Variants in IRAK1BP1 observed in about 807,000 individuals in gnomAD.
IRAK1BP1 encodes the protein interleukin-1 receptor-associated kinase 1-binding protein 1.
IRAK1BP1 carries 24 observed loss-of-function variants against 28.0 expected under a neutral mutation model. The observed-to-expected ratio is 0.86, with a 90% CI of 0.62 to 1.20. IRAK1BP1 has a LOEUF of 1.20. Ranked by LOEUF, IRAK1BP1 falls within the 50% of genes most tolerant of loss-of-function variation. IRAK1BP1 has a pLI of 0.00. For missense variants in IRAK1BP1, 336 were observed against 316.7 expected (o/e 1.06, Z -0.46); for synonymous variants, 131 against 116.3 (o/e 1.13, Z -0.81).
intron 1 of IRAK1BP1, among the ~76,000 whole-genome samples, chr6:78,880,465 T>G (rs893584443): frequency 6.6e-6 from 1 of 152,220 alleles, no homozygotes; most frequent in African/African-American, 2.4e-5. Flanking sequence ...ATAAATTGTA[T>G]TTTATGACAA....
At chr6:78,890,476 T>A (rs919297607) in intron 2 of IRAK1BP1, among the ~76,000 whole-genome samples, 4 of 150,770 alleles carry the variant, frequency 2.7e-5, no homozygotes, top group African/African-American at 4.9e-5. Context: ...ATCAAAAAAA[T>A]TTATCCAAAA....
the IRAK1BP1 span, among the ~76,000 whole-genome samples, chr6:78,961,156 C>T: frequency 6.6e-6 from 1 of 151,884 alleles, no homozygotes; most frequent in Non-Finnish European, 1.5e-5. Context: ...TGAAATTATG[C>T]CTGGGCCATT....
chr6:78,939,176 AT>A lies in IRAK1BP1; in HGVS notation c.*68-6231del, dbSNP rs1329160310. 2.6e-5 allele frequency: 4 copies of A among 151,924 alleles called. No individual in the cohort carries two copies. In the East Asian group the frequency reaches 7.7e-4, roughly 29 times the overall value. 9.4% of individuals were successfully genotyped at this position (151,924 alleles called of 1,614,324 possible). On this transcript the variant is annotated intron_variant and NMD_transcript_variant, in intron 4 of 4. Coordinates refer to the IRAK1BP1 transcript ENST00000606868. ...AACTAACTGTACCATAAACAAATAA[AT>A]AACTGCTTTCCTTTTCCATAGCAGT...
At chr6:78,892,772 A>G (rs1222550255) in intron 2 of IRAK1BP1, among the ~76,000 whole-genome samples, 1 of 152,214 alleles carries the variant, frequency 6.6e-6, no homozygotes, top group African/African-American at 2.4e-5. Context: ...ACTACAGTGT[A>G]TGAGATAATA....
the IRAK1BP1 span, chr6:78,955,304 G>A: frequency 6.4e-7 from 1 of 1,569,680 alleles, no homozygotes; most frequent in South Asian, 1.1e-5. Flanking sequence ...GAATTTACCA[G>A]ATTCATAAAA....
intron 2 of IRAK1BP1, among the ~76,000 whole-genome samples, chr6:78,888,790 G>A (rs1771518925): frequency 6.6e-6 from 1 of 152,044 alleles, no homozygotes; most frequent in Non-Finnish European, 1.5e-5. Context: ...CTACAGACAT[G>A]AGCCACCTAG....
the IRAK1BP1 span, chr6:78,955,842 C>A: frequency 9.5e-6 from 4 of 419,096 alleles, no homozygotes; most frequent in Non-Finnish European, 1.7e-5. Flanking sequence ...ACACATTTAA[C>A]CCTGACCCCT....
chr6:78,872,757 A>G (rs991554054), intron 1 of IRAK1BP1, among the ~76,000 whole-genome samples: 3 of 152,178 alleles, frequency 2.0e-5, no homozygotes, highest in Non-Finnish European at 4.4e-5. Context: ...CTCTAAAAAT[A>G]TACGTTTACA....
At chr6:78,894,731 T>G (rs546012827) in intron 2 of IRAK1BP1, among the ~76,000 whole-genome samples, 6 of 152,266 alleles carry the variant, frequency 3.9e-5, no homozygotes, top group African/African-American at 1.4e-4. Context: ...TTGACATATA[T>G]AGAACACTCC....
At chr6:78,932,287 A>G (rs965455693) in intron 4 of IRAK1BP1, among the ~76,000 whole-genome samples, 20 of 152,100 alleles carry the variant, frequency 1.3e-4, no homozygotes, top group Admixed American at 4.6e-4. Context: ...TTGATCTCCA[A>G]TGAATCACGA....
chr6:78,910,066 C>T (rs1772363632), intron 4 of IRAK1BP1, among the ~76,000 whole-genome samples: 1 of 152,118 alleles, frequency 6.6e-6, no homozygotes, highest in Non-Finnish European at 1.5e-5. Context: ...ATAATACTAA[C>T]GATGACCCTT....
chr6:78,965,715 TA>T, the IRAK1BP1 span: 1 of 1,556,686 alleles, frequency 6.4e-7, no homozygotes, highest in Non-Finnish European at 8.8e-7. Context: ...TTATTAGGTA[TA>T]AGCTCCATAT....
chr6:78,879,153 G>A (rs1771123636), intron 1 of IRAK1BP1, among the ~76,000 whole-genome samples: 1 of 151,986 alleles, frequency 6.6e-6, no homozygotes, highest in African/African-American at 2.4e-5. Flanking sequence ...TGAACAATGA[G>A]AACACTTGGA....
the IRAK1BP1 span, chr6:78,961,778 G>A: frequency 6.2e-7 from 1 of 1,611,330 alleles, no homozygotes; most frequent in East Asian, 2.2e-5. Flanking sequence ...TAGGCTTGCA[G>A]ATCCACGGGG....
In IRAK1BP1 at chr6:78,889,407, A is replaced by G. The variant is rs145680179; in HGVS notation, c.381+3964A>G. 1.8e-4 allele frequency among the ~76,000 whole-genome samples: 27 copies of G among 152,164 alleles called. 1 individual carries two copies. The East Asian group carries it at 4.6e-3, about 26-fold the overall frequency. ...AAAACACCAAAAGCAATTGCAACAA[A>G]AGCCAAAATTGACATATGGGATCTA... On this transcript the variant is annotated intron_variant, in intron 2 of 3. Transcript: ENST00000369940.
At chr6:78,927,881 C>T (rs1217127882) in intron 4 of IRAK1BP1, among the ~76,000 whole-genome samples, 1 of 151,978 alleles carries the variant, frequency 6.6e-6, no homozygotes, top group East Asian at 1.9e-4. Context: ...ATATTCTGTT[C>T]CATTGGTCTA....
the IRAK1BP1 span, among the ~76,000 whole-genome samples, chr6:78,966,553 T>C: frequency 1.3e-5 from 2 of 151,982 alleles, no homozygotes; most frequent in African/African-American, 2.4e-5. Flanking sequence ...CCCTTAATAC[T>C]CACTCACTCT....
intron 4 of IRAK1BP1, among the ~76,000 whole-genome samples, chr6:78,932,421 C>CTTTTTTTTTTTTTTTTTT (rs386407659): frequency 1.6e-5 from 2 of 123,700 alleles, no homozygotes; most frequent in Non-Finnish European, 3.3e-5. Context: ...CTTTCTTTTT[C>CTTTTTTTTTTTTTTTTTT]TTTTTTTTTT....
the IRAK1BP1 span, chr6:78,965,560 G>A: frequency 5.3e-6 from 3 of 565,028 alleles, no homozygotes; most frequent in Non-Finnish European, 9.6e-6. Context: ...CTACTTCAAG[G>A]TGTACAATAA....
Sources: gnomAD v4.1 joint callset for allele counts (sites outside exome capture counted in the v4.1 genomes callset) on GRCh38, gnomAD v4.1.1 for gene constraint, MANE v1.5 for transcripts, NCBI Gene and HGNC (gene_info 2026-07-23, HGNC 2026-07-21) for gene names.